The following CABLES1 variants were observed in gnomAD, a reference collection of about 807,000 sequenced individuals.
The protein encoded by CABLES1 is Cdk5 and Abl enzyme substrate 1.
CABLES1 carries 36 observed loss-of-function variants against 57.8 expected under a neutral mutation model. The ratio of observed to expected loss-of-function variants is 0.62; its 90% confidence interval spans 0.48 to 0.82. CABLES1 has a LOEUF of 0.82. CABLES1 is among the 40% of genes least tolerant of loss of function. The pLI is 0.00. For synonymous variants in CABLES1, 374 were observed against 363.0 expected, an observed-to-expected ratio of 1.03 and a Z score of -0.35; for missense variants, 767 against 836.6, an observed-to-expected ratio of 0.92 and a Z score of 1.03.
intron 4 of CABLES1, among the ~76,000 whole-genome samples, chr18:23,228,277 A>G (rs1024946378): frequency 5.3e-5 from 8 of 152,206 alleles, no homozygotes; most frequent in Admixed American, 4.6e-4. Context: ...GCCACAGAAG[A>G]GGAAACTAAA....
At chr18:23,150,250 C>T (rs2144960136) in intron 1 of CABLES1, among the ~76,000 whole-genome samples, 1 of 129,688 alleles carries the variant, frequency 7.7e-6, no homozygotes, top group East Asian at 2.5e-4. Flanking sequence ...GCTCTGTCAC[C>T]CTGGCTGGAG....
chr18:23,164,376 G>C (rs1008042630), intron 1 of CABLES1, among the ~76,000 whole-genome samples: 1 of 152,246 alleles, frequency 6.6e-6, no homozygotes, highest in East Asian at 1.9e-4. Flanking sequence ...CCCTGATGGT[G>C]TCCTCCCAGG....
intron 4 of CABLES1, among the ~76,000 whole-genome samples, chr18:23,216,638 G>A (rs923783444): frequency 2.6e-5 from 4 of 152,152 alleles, no homozygotes; most frequent in Non-Finnish European, 5.9e-5. Flanking sequence ...CTGTAGAATG[G>A]GGAAGTTTCT....
Position 23,257,263 on chromosome 18 carries a change from C to CTGA in CABLES1, c.1800_1802dup (p.Leu600_Ile601insMet). ...GAAGTTCCGGCTGAACAGGCGAGAACTGATTGCCTTTGAATTCCCGGTGTT... is the reference window on the plus strand; with the variant it reads ...GAAGTTCCGGCTGAACAGGCGAGAACTGATGATTGCCTTTGAATTCCCGGTGTT... On this transcript the variant is annotated inframe_insertion, in exon 10 of 10. Coordinates refer to ENST00000256925, the MANE Select transcript of CABLES1 (RefSeq NM_001100619.3). The CTGA allele has an allele frequency of 1.2e-6, 2 of 1,612,842 alleles. No individual in the cohort carries two copies. Among genetic ancestry groups the CTGA allele is most frequent in the Non-Finnish European group, 1.7e-6 (2 of 1,179,760 alleles).
chr18:23,255,871 G>T (rs1319820360), intron 9 of CABLES1, among the ~76,000 whole-genome samples: 2 of 151,976 alleles, frequency 1.3e-5, no homozygotes, highest in Non-Finnish European at 2.9e-5. Flanking sequence ...AAGAATTAAT[G>T]AATCTTTTGA....
chr18:23,189,021 T>C, intron 2 of CABLES1, 112 bp downstream of exon 2: 1 of 696,866 alleles, frequency 1.4e-6, no homozygotes, highest in Non-Finnish European at 2.4e-6. Context: ...AATAACCATC[T>C]GAACTCCAGG....
At chr18:23,186,778 G>A (rs1293192955) in intron 1 of CABLES1, among the ~76,000 whole-genome samples, 1 of 152,162 alleles carries the variant, frequency 6.6e-6, no homozygotes, top group Non-Finnish European at 1.5e-5. Context: ...TGCAATTTCA[G>A]TGTCTGATTC....
chr18:23,213,942 T>C (rs766684395), intron 3 of CABLES1, 35 bp from the exon 4 acceptor site: 1 of 1,370,608 alleles, frequency 7.3e-7, no homozygotes. Context: ...TTGCATTTAG[T>C]GTGTTTGTTG....
intron 4 of CABLES1, among the ~76,000 whole-genome samples, chr18:23,233,637 C>G (rs1351233667): frequency 6.6e-6 from 1 of 152,130 alleles, no homozygotes; most frequent in African/African-American, 2.4e-5. Flanking sequence ...GGCTTGCGCC[C>G]AAGAGTTTGA....
intron 3 of CABLES1, among the ~76,000 whole-genome samples, chr18:23,211,704 T>C (rs986050664): frequency 6.6e-6 from 1 of 152,270 alleles, no homozygotes; most frequent in African/African-American, 2.4e-5. Flanking sequence ...ATCTCCACCC[T>C]GCCCCACCTG....
chr18:23,193,652 G>A (rs1232463322), intron 2 of CABLES1, among the ~76,000 whole-genome samples: 1 of 152,148 alleles, frequency 6.6e-6, no homozygotes, highest in African/African-American at 2.4e-5. Flanking sequence ...ACTCTTGTTT[G>A]TTGAGCATTT....
intron 3 of CABLES1, among the ~76,000 whole-genome samples, chr18:23,203,657 C>T (rs548226249): frequency 3.2e-4 from 49 of 151,704 alleles, no homozygotes; most frequent in African/African-American, 9.7e-4. Flanking sequence ...TCCAAGCTGT[C>T]GGCCTAATTT....
At chr18:23,208,687 C>CT (rs1322457721) in intron 3 of CABLES1, among the ~76,000 whole-genome samples, 1 of 152,166 alleles carries the variant, frequency 6.6e-6, no homozygotes, top group African/African-American at 2.4e-5. Context: ...AGCTGTGTCC[C>CT]TTTCCAGGGC....
chr18:23,219,070 T>A (rs1002605626), intron 4 of CABLES1: 3 of 412,146 alleles, frequency 7.3e-6, no homozygotes, highest in African/African-American at 6.2e-5. Context: ...TGCCTTGCCA[T>A]ACCAGCATGC....
At chr18:23,171,697 C>T (rs938644717) in intron 1 of CABLES1, among the ~76,000 whole-genome samples, 5 of 152,154 alleles carry the variant, frequency 3.3e-5, no homozygotes, top group Admixed American at 6.5e-5. Context: ...TCTGATAACC[C>T]TCGCATCTAA....
chr18:23,183,099 TC>T (rs2047178871), intron 1 of CABLES1, among the ~76,000 whole-genome samples: 1 of 152,202 alleles, frequency 6.6e-6, no homozygotes, highest in Non-Finnish European at 1.5e-5. Context: ...CTGCGTCCCC[TC>T]ATCAGTGTGG....
chr18:23,237,241 A>T lies in CABLES1; in HGVS notation c.1442A>T (p.Tyr481Phe). 1 of 1,600,224 alleles carries T rather than the reference A, an allele frequency of 6.2e-7. No individual in the cohort carries two copies. The highest frequency in any genetic ancestry group is 1.1e-5 in the South Asian group (1 of 90,802). Reference protein sequence around the residue: ...KHKRVLIFPSYMTTVIDYVKP... With the variant: ...KHKRVLIFPSFMTTVIDYVKP... ...AAACGCGTTCTGATCTTCCCTTCCT[A>T]CATGGTGAGTAGCGTGGAATGGAGG... Residue 481 changes from tyrosine (Y) to phenylalanine (F), a missense_variant, in exon 7 of 10, where the codon TAC becomes TTC. Physicochemically the swap from Tyr to Phe is conservative, Grantham distance 22. Coordinates refer to ENST00000256925, the MANE Select transcript of CABLES1 (RefSeq NM_001100619.3).
At position 23,186,528 on chromosome 18, in the gene CABLES1, C is replaced by G. The variant is rs537126750; in HGVS notation, c.846-2310C>G. Among the ~76,000 whole-genome samples, 4 of 151,700 alleles carry G rather than the reference C, an allele frequency of 2.6e-5. No individual in the cohort carries two copies. In the South Asian group the frequency reaches 8.3e-4, roughly 32 times the overall value. ...GCAACCTCTGCCTCCTGGGTTCAAG[C>G]GATTCTCCTGCCTCAGCCTCCCGAG... is the stretch of plus-strand genomic sequence containing the variant. On this transcript the variant is annotated intron_variant, in intron 1 of 9. Coordinates refer to ENST00000256925, the MANE Select transcript of CABLES1 (RefSeq NM_001100619.3).
chr18:23,177,418 TACACACACACACACAC>T (rs10692529), intron 1 of CABLES1, among the ~76,000 whole-genome samples: 25 of 144,638 alleles, frequency 1.7e-4, no homozygotes, highest in Non-Finnish European at 3.2e-4. Flanking sequence ...AGCACATGTG[TACACACACACACACAC>T]ACACACACAC....
Sources: gnomAD v4.1 joint callset for allele counts (sites outside exome capture counted in the v4.1 genomes callset) on GRCh38, gnomAD v4.1.1 for gene constraint, MANE v1.5 for transcripts, NCBI Gene and HGNC (gene_info 2026-07-23, HGNC 2026-07-21) for gene names.